IFT56: variants seen among roughly 807,000 people sequenced by gnomAD.
IFT56 encodes the protein intraflagellar transport protein 56.
At chr7:139,153,015 C>G in the IFT56 span, among the ~76,000 whole-genome samples, 1 of 151,642 alleles carries the variant, frequency 6.6e-6, no homozygotes, top group Non-Finnish European at 1.5e-5. Flanking sequence ...AGGGCGTGGC[C>G]ACGTGCGCCT....
the IFT56 span, among the ~76,000 whole-genome samples, chr7:139,184,651 G>A: frequency 6.6e-6 from 1 of 152,194 alleles, no homozygotes; most frequent in Non-Finnish European, 1.5e-5. Context: ...GCTTATGCCT[G>A]TAATCCCAGT....
the IFT56 span, chr7:139,148,119 C>G: frequency 8.0e-7 from 1 of 1,249,360 alleles, no homozygotes; most frequent in South Asian, 1.5e-5. Flanking sequence ...ATGAACTGTC[C>G]TCTTTGCCTT....
chr7:139,140,653 T>G, the IFT56 span, among the ~76,000 whole-genome samples: 1 of 151,302 alleles, frequency 6.6e-6, no homozygotes, highest in African/African-American at 2.4e-5. Context: ...TGCATGCCTG[T>G]AATCCCAGCT....
the IFT56 span, chr7:139,189,380 A>G: frequency 9.9e-6 from 16 of 1,613,724 alleles, no homozygotes; most frequent in Admixed American, 5.0e-5. Context: ...CAAGTAGAAT[A>G]CATGATCCGG....
chr7:139,141,121 C>T, the IFT56 span, among the ~76,000 whole-genome samples: 30 of 150,834 alleles, frequency 2.0e-4, no homozygotes, highest in South Asian at 6.1e-3. Context: ...ATTAGCCAGG[C>T]GTGGTGGCGG....
At chr7:139,142,359 T>G in the IFT56 span, 1 of 1,478,874 alleles carries the variant, frequency 6.8e-7, no homozygotes, top group Non-Finnish European at 9.4e-7. Flanking sequence ...TTTATTTTTC[T>G]TCCTTCTTGT....
At chr7:139,136,215 G>A in the IFT56 span, among the ~76,000 whole-genome samples, 7 of 152,150 alleles carry the variant, frequency 4.6e-5, no homozygotes, top group Middle Eastern at 3.4e-3. Context: ...GTGGGCCACC[G>A]CGCCCGGCCT....
chr7:139,179,458 T>C, the IFT56 span: 1 of 729,524 alleles, frequency 1.4e-6, no homozygotes, highest in African/African-American at 1.8e-5. Context: ...GCAGCCTGTA[T>C]AGAATTGGGC....
chr7:139,148,432 A>G, the IFT56 span: 4 of 1,512,088 alleles, frequency 2.6e-6, no homozygotes, highest in Admixed American at 7.1e-5. Context: ...ATTACTTTAT[A>G]CTTTCCAAGT....
the IFT56 span, chr7:139,174,351 T>C: frequency 3.8e-6 from 2 of 526,024 alleles, no homozygotes; most frequent in Admixed American, 2.0e-5. Context: ...AGACAGAAAG[T>C]GTAGTCCAGA....
the IFT56 span, among the ~76,000 whole-genome samples, chr7:139,188,328 T>G: frequency 2.0e-5 from 3 of 152,102 alleles, no homozygotes; most frequent in Non-Finnish European, 2.9e-5. Context: ...CTCAAACTCC[T>G]GACCTCAGGT....
At chr7:139,163,567 T>C in the IFT56 span, among the ~76,000 whole-genome samples, 2 of 151,956 alleles carry the variant, frequency 1.3e-5, no homozygotes, top group African/African-American at 4.8e-5. Context: ...GAGAAGAAAG[T>C]AGAAGCAGTA....
the IFT56 span, among the ~76,000 whole-genome samples, chr7:139,167,634 A>G: frequency 6.6e-6 from 1 of 152,064 alleles, no homozygotes; most frequent in Admixed American, 6.6e-5. Flanking sequence ...TAGCAAAGAA[A>G]AGTTACTATA....
chr7:139,166,210 A>G, the IFT56 span, among the ~76,000 whole-genome samples: 11 of 152,278 alleles, frequency 7.2e-5, no homozygotes, highest in African/African-American at 2.4e-4. Context: ...CGCCTGCCTC[A>G]GCTTCCCAAA....
the IFT56 span, among the ~76,000 whole-genome samples, chr7:139,157,885 A>T: frequency 1.5e-4 from 23 of 152,024 alleles, no homozygotes; most frequent in Admixed American, 9.2e-4. Context: ...ATGTTTTTCT[A>T]TATATATAAT....
the IFT56 span, among the ~76,000 whole-genome samples, chr7:139,184,915 G>A: frequency 7.3e-5 from 11 of 151,438 alleles, no homozygotes; most frequent in South Asian, 2.1e-4. Context: ...TTAGCCAGGC[G>A]TGGTGGCGGG....
At chr7:139,180,951 A>G in the IFT56 span, 5 of 541,910 alleles carry the variant, frequency 9.2e-6, no homozygotes. Context: ...GCTTAATGCC[A>G]ACATTGCAAG....
the IFT56 span, among the ~76,000 whole-genome samples, chr7:139,141,858 A>G: frequency 6.6e-6 from 1 of 152,206 alleles, no homozygotes; most frequent in Non-Finnish European, 1.5e-5. Context: ...ATTAACAAAG[A>G]ATACTGGGAC....
At chr7:139,159,074 A>G in the IFT56 span, among the ~76,000 whole-genome samples, 1 of 152,202 alleles carries the variant, frequency 6.6e-6, no homozygotes, top group African/African-American at 2.4e-5. Flanking sequence ...TTTTTGGTAT[A>G]GTTCTTGTCA....
Sources: allele counts gnomAD v4.1 joint callset (sites outside exome capture counted in the v4.1 genomes callset), GRCh38; gene constraint gnomAD v4.1.1; transcripts MANE v1.5; gene names NCBI Gene and HGNC (gene_info 2026-07-23, HGNC 2026-07-21).